Variants in RGL1 observed in about 807,000 individuals in gnomAD.
RGL1 encodes ral guanine nucleotide dissociation stimulator-like 1.
Under a neutral mutation model 95.2 loss-of-function variants are expected in RGL1, and 24 were observed. The observed-to-expected ratio is 0.25, with a 90% CI of 0.18 to 0.35. The LOEUF (loss-of-function observed/expected upper bound fraction) is 0.35. Among genes scored for constraint, RGL1 ranks in the 10% least tolerant of loss-of-function variants. The probability of loss-of-function intolerance (pLI) is 1.00; values close to 1 mark genes in which losing one functional copy is unlikely to be tolerated. For synonymous variants in RGL1, 329 were observed against 344.9 expected (o/e 0.95, Z 0.51); for missense variants, 715 against 936.3 (o/e 0.76, Z 3.08).
At chr1:183,823,788 AT>A (rs1248226640) in intron 2 of RGL1, among the ~76,000 whole-genome samples, 5 of 151,736 alleles carry the variant, frequency 3.3e-5, no homozygotes, top group Non-Finnish European at 7.4e-5. Context: ...GTTTGATATG[AT>A]TTTTTTTCTT....
At chr1:183,792,559 A>G (rs1007957952) in intron 2 of RGL1, among the ~76,000 whole-genome samples, 1 of 152,160 alleles carries the variant, frequency 6.6e-6, no homozygotes, top group Non-Finnish European at 1.5e-5. Context: ...ACATGATCTT[A>G]TATATACATA....
chr1:183,705,573 G>A (rs1439796906), intron 1 of RGL1, among the ~76,000 whole-genome samples: 3 of 152,206 alleles, frequency 2.0e-5, no homozygotes, highest in African/African-American at 7.2e-5. Context: ...TGATGTGAAA[G>A]GTGGGTGTCG....
At chr1:183,921,840 A>G (rs971663068) in intron 16 of RGL1, among the ~76,000 whole-genome samples, 2 of 152,226 alleles carry the variant, frequency 1.3e-5, no homozygotes, top group Non-Finnish European at 2.9e-5. Flanking sequence ...AACCAGTGCC[A>G]TAGAAGCAGT....
At chr1:183,906,963 TTTTCAA>T (rs1218468288) in intron 13 of RGL1, 43 bp from the exon 14 acceptor site, 1 of 1,046,352 alleles carries the variant, frequency 9.6e-7, no homozygotes, top group East Asian at 2.5e-5. Flanking sequence ...TTAAGTGTGT[TTTTCAA>T]TTCTCTAACT....
chr1:183,658,241 G>A (rs186017213), intron 1 of RGL1, among the ~76,000 whole-genome samples: 1,996 of 152,306 alleles, frequency 0.013, 53 homozygotes, highest in African/African-American at 0.046. Flanking sequence ...TGCGCCAGCC[G>A]AAGCAGGGCG....
intron 1 of RGL1, among the ~76,000 whole-genome samples, chr1:183,639,431 G>T (rs570793491): frequency 6.6e-6 from 1 of 152,180 alleles, no homozygotes; most frequent in Non-Finnish European, 1.5e-5. Context: ...TTCTGGTAAG[G>T]ATGCTTTAAT....
chr1:183,831,607 A>G (rs1663263233), intron 2 of RGL1, among the ~76,000 whole-genome samples: 2 of 152,216 alleles, frequency 1.3e-5, no homozygotes, highest in East Asian at 1.9e-4. Flanking sequence ...ACATGCTTTT[A>G]TTGTATATGT....
At chr1:183,720,895 G>C (rs75577824) in intron 1 of RGL1, among the ~76,000 whole-genome samples, 5,676 of 152,254 alleles carry the variant, frequency 0.037, 131 homozygotes, top group East Asian at 0.12. Flanking sequence ...CTGAGCAAGG[G>C]AAAGTGTCAA....
chr1:183,704,060 C>T (rs573553311), intron 1 of RGL1, among the ~76,000 whole-genome samples: 92 of 152,220 alleles, frequency 6.0e-4, no homozygotes, highest in Admixed American at 3.7e-3. Flanking sequence ...CCTTTTCTTC[C>T]GAGGATTAAA....
chr1:183,673,213 A>C (rs1176047413), intron 1 of RGL1, among the ~76,000 whole-genome samples: 1 of 152,172 alleles, frequency 6.6e-6, no homozygotes, highest in Non-Finnish European at 1.5e-5. Context: ...CTCTAGAGAA[A>C]ATTTGCCTTT....
intron 1 of RGL1, among the ~76,000 whole-genome samples, chr1:183,666,646 G>A (rs865962304): frequency 2.0e-5 from 3 of 152,078 alleles, no homozygotes; most frequent in Non-Finnish European, 2.9e-5. Flanking sequence ...GAGCCACCAC[G>A]CCTGGCAGGA....
At chr1:183,719,836 G>A (rs1655893211) in intron 1 of RGL1, among the ~76,000 whole-genome samples, 1 of 152,144 alleles carries the variant, frequency 6.6e-6, no homozygotes, top group Non-Finnish European at 1.5e-5. Flanking sequence ...AACCCTGGAG[G>A]CAGAGGTTGC....
intron 2 of RGL1, among the ~76,000 whole-genome samples, chr1:183,798,068 C>T (rs1190559750): frequency 6.6e-6 from 1 of 152,160 alleles, no homozygotes; most frequent in East Asian, 1.9e-4. Flanking sequence ...GGAGAAGTTT[C>T]ACATTAGTCT....
intron 9 of RGL1, among the ~76,000 whole-genome samples, chr1:183,893,221 T>C: frequency 6.6e-6 from 1 of 152,106 alleles, no homozygotes. Flanking sequence ...ATGTGGGAGG[T>C]AAAACATTTA....
chr1:183,770,713 G>A (rs888352044), intron 2 of RGL1, among the ~76,000 whole-genome samples: 1 of 152,188 alleles, frequency 6.6e-6, no homozygotes, highest in Non-Finnish European at 1.5e-5. Flanking sequence ...CGGGTGAGGG[G>A]TGTGGCATCT....
At position 183,696,644 on chromosome 1, in the gene RGL1, A is replaced by G. The variant is rs1254370996; in HGVS notation, c.-32-45482A>G. Among the ~76,000 whole-genome samples the G allele has an allele frequency of 4.6e-5, 7 of 152,276 alleles. No individual in the cohort carries two copies. In the South Asian group the frequency reaches 1.2e-3, roughly 27 times the overall value. On this transcript the variant is annotated intron_variant, in intron 1 of 18. Coordinates refer to the RGL1 transcript ENST00000304685. ...TGAACACAAGATAATGTTCTCTCCA[A>G]TTTGATGCAACCTCTTGTAAATATC...
intron 9 of RGL1, among the ~76,000 whole-genome samples, chr1:183,897,560 AAAC>A (rs1191751082): frequency 3.3e-5 from 5 of 151,322 alleles, no homozygotes; most frequent in Admixed American, 1.3e-4. Context: ...AAAAAAAAAA[AAAC>A]AAAGTTGGGG....
chr1:183,701,937 G>A lies in RGL1; in HGVS notation c.-32-40189G>A, dbSNP rs190415546. 4.1e-3 allele frequency among the ~76,000 whole-genome samples: 624 copies of A among 151,810 alleles called. 10 individuals carry two copies. Among genetic ancestry groups the A allele is most frequent in the Non-Finnish European group, 3.1e-3 (208 of 67,908 alleles). On this transcript the variant is annotated intron_variant, in intron 1 of 18. Coordinates refer to the RGL1 transcript ENST00000304685. Reference sequence around the variant, plus strand: ...GGGTGACAGACCAAGACTCCATCTCGAAAAAAATAAAATAAAATAATATTT... The same window carrying A: ...GGGTGACAGACCAAGACTCCATCTCAAAAAAAATAAAATAAAATAATATTT...
chr1:183,773,010 C>T (rs1207301184), intron 2 of RGL1, among the ~76,000 whole-genome samples: 2 of 84,064 alleles, frequency 2.4e-5, no homozygotes, highest in African/African-American at 8.8e-5. Flanking sequence ...AGCAAGACTC[C>T]GTCTCAAAAA....
Sources: allele counts gnomAD v4.1 joint callset (sites outside exome capture counted in the v4.1 genomes callset), GRCh38; gene constraint gnomAD v4.1.1; transcripts MANE v1.5; gene names NCBI Gene and HGNC (gene_info 2026-07-23, HGNC 2026-07-21).